Variants in GNG12 observed in about 807,000 individuals in gnomAD.
GNG12 encodes G protein subunit gamma 12.
For missense variants in GNG12, 69 were observed against 83.8 expected (o/e 0.82, Z 0.69); for synonymous variants, 28 against 29.7 (o/e 0.94, Z 0.19).
intron 2 of GNG12, among the ~76,000 whole-genome samples, chr1:67,747,788 A>G (rs1646515625): frequency 6.6e-6 from 1 of 152,250 alleles, no homozygotes; most frequent in Admixed American, 6.5e-5. Context: ...TGTGGACCAC[A>G]AAAGTCACCA....
intron 2 of GNG12, among the ~76,000 whole-genome samples, chr1:67,733,760 AG>A (rs1352636445): frequency 6.6e-6 from 1 of 152,188 alleles, no homozygotes; most frequent in African/African-American, 2.4e-5. Flanking sequence ...CAGAACACAC[AG>A]GGGAGGGGAA....
At chr1:67,785,823 A>C (rs1040770711) in intron 1 of GNG12, among the ~76,000 whole-genome samples, 3 of 152,194 alleles carry the variant, frequency 2.0e-5, no homozygotes, top group African/African-American at 7.2e-5. Flanking sequence ...AGAATGTCTA[A>C]GAATGTTTCC....
intron 2 of GNG12, among the ~76,000 whole-genome samples, chr1:67,732,980 T>A (rs1040068755): frequency 6.6e-6 from 1 of 152,214 alleles, no homozygotes; most frequent in Non-Finnish European, 1.5e-5. Context: ...TCTGAGCAGC[T>A]GGTGTGGCTT....
intron 3 of GNG12, among the ~76,000 whole-genome samples, chr1:67,706,662 T>G (rs1339732786): frequency 1.3e-5 from 2 of 149,838 alleles, no homozygotes; most frequent in Non-Finnish European, 3.0e-5. Flanking sequence ...CTTTCTTTTT[T>G]TTTTTTTTTT....
chr1:67,772,698 G>A (rs1646681836), intron 2 of GNG12: 2 of 152,154 alleles, frequency 1.3e-5, no homozygotes, highest in African/African-American at 4.8e-5. Flanking sequence ...AATTCTGGTG[G>A]GATTTACCCT....
intron 2 of GNG12, among the ~76,000 whole-genome samples, chr1:67,775,553 G>T (rs1179548133): frequency 6.6e-6 from 1 of 152,260 alleles, no homozygotes; most frequent in Non-Finnish European, 1.5e-5. Flanking sequence ...GCTGCTGGTG[G>T]ATGGACAAGT....
intron 1 of GNG12, among the ~76,000 whole-genome samples, chr1:67,820,270 T>C (rs1330109801): frequency 6.6e-6 from 1 of 151,570 alleles, no homozygotes; most frequent in Non-Finnish European, 1.5e-5. Context: ...ATGCCTATAG[T>C]CCCAGTTACT....
At chr1:67,741,041 C>G (rs151017079) in intron 2 of GNG12, among the ~76,000 whole-genome samples, 90 of 152,164 alleles carry the variant, frequency 5.9e-4, no homozygotes, top group African/African-American at 2.1e-3. Context: ...CAAAACTATT[C>G]TTCCCATTTG....
In GNG12 at chr1:67,784,483, AAAT is replaced by A. The variant is rs1646756409; in HGVS notation, c.-76-6979_-76-6977del. On this transcript the variant is annotated intron_variant, in intron 1 of 3. Transcript: ENST00000370982. ...AATAATAAAAAAATTAAAAAAATAA[AAAT>A]AAATAATAAAAGCAGTTTGCCAATT... Among the ~76,000 whole-genome samples the A allele has an allele frequency of 6.6e-5, 10 of 151,688 alleles. No homozygotes were observed. In the South Asian group the frequency reaches 2.1e-3, roughly 32 times the overall value.
At chr1:67,756,827 C>T (rs1488381505) in intron 2 of GNG12, among the ~76,000 whole-genome samples, 1 of 152,208 alleles carries the variant, frequency 6.6e-6, no homozygotes, top group Non-Finnish European at 1.5e-5. Context: ...ATCAACTGGT[C>T]TGCCCGGGTC....
chr1:67,721,456 T>G (rs1415075079), intron 2 of GNG12, among the ~76,000 whole-genome samples: 1 of 152,154 alleles, frequency 6.6e-6, no homozygotes. Context: ...GGCCTGGCAG[T>G]CTGTTTTAAC....
chr1:67,703,607 C>T lies in GNG12; in HGVS notation c.*1844G>A, dbSNP rs1646227715. ...TTGAGAGGTAAAATCTTCCTCTCTC[C>T]TAAACAGGTACCTATAATTGATTTG... On this transcript the variant is annotated 3_prime_UTR_variant, in exon 4 of 4. Transcript: ENST00000370982. 2 of 152,130 alleles carry T rather than the reference C, an allele frequency of 1.3e-5. No individual in the cohort carries two copies. The highest frequency in any genetic ancestry group is 2.1e-4 in the South Asian group (1 of 4,828). The allele number at this position is 152,130 out of a possible 1,614,324, so 9.4% of individuals were successfully genotyped here.
intron 1 of GNG12, among the ~76,000 whole-genome samples, chr1:67,825,996 T>C (rs1165118596): frequency 1.3e-5 from 2 of 152,238 alleles, no homozygotes; most frequent in Admixed American, 6.5e-5. Flanking sequence ...TCCTAGCATA[T>C]ATAATCAGTA....
intron 2 of GNG12, among the ~76,000 whole-genome samples, chr1:67,774,793 T>A (rs760821077): frequency 6.6e-6 from 1 of 152,190 alleles, no homozygotes; most frequent in Non-Finnish European, 1.5e-5. Context: ...AATAGCATAG[T>A]GTCTTTTCTC....
At chr1:67,725,866 CT>C (rs1296291727) in intron 2 of GNG12, among the ~76,000 whole-genome samples, 14 of 152,130 alleles carry the variant, frequency 9.2e-5, no homozygotes, top group Non-Finnish European at 1.6e-4. Context: ...TAAAATTTTT[CT>C]TTAAATAGGT....
At chr1:67,722,119 C>A (rs1444328745) in intron 2 of GNG12, among the ~76,000 whole-genome samples, 1 of 151,854 alleles carries the variant, frequency 6.6e-6, no homozygotes, top group Non-Finnish European at 1.5e-5. Context: ...CCTTAGAATG[C>A]ACTTAAAAAA....
At chr1:67,771,920 T>G (rs1219450414) in intron 2 of GNG12, among the ~76,000 whole-genome samples, 1 of 152,194 alleles carries the variant, frequency 6.6e-6, no homozygotes, top group East Asian at 1.9e-4. Context: ...AACATATAAT[T>G]TAATGCAACA....
intron 2 of GNG12, among the ~76,000 whole-genome samples, chr1:67,721,989 G>T (rs950691259): frequency 2.6e-5 from 4 of 151,976 alleles, no homozygotes; most frequent in Non-Finnish European, 5.9e-5. Flanking sequence ...CAAAGCAGAA[G>T]AACACAGAAA....
intron 2 of GNG12, among the ~76,000 whole-genome samples, chr1:67,708,565 T>A (rs1215335180): frequency 2.0e-5 from 3 of 152,194 alleles, no homozygotes; most frequent in Non-Finnish European, 2.9e-5. Context: ...AGCCACCTGG[T>A]GTAAAGCAAT....
Sources: allele counts gnomAD v4.1 joint callset (sites outside exome capture counted in the v4.1 genomes callset), GRCh38; gene constraint gnomAD v4.1.1; transcripts MANE v1.5; gene names NCBI Gene and HGNC (gene_info 2026-07-23, HGNC 2026-07-21).